STK38: variants seen among roughly 807,000 people sequenced by gnomAD.
STK38 encodes serine/threonine-protein kinase 38.
STK38 carries 26 observed loss-of-function variants against 59.0 expected under a neutral mutation model. The ratio of observed to expected loss-of-function variants is 0.44; its 90% CI spans 0.32 to 0.61. STK38 has a LOEUF of 0.61. STK38 is among the 20% of genes least tolerant of loss of function. STK38 has a pLI of 0.04. For missense variants in STK38, 433 were observed against 566.0 expected (o/e 0.76, Z 2.38); for synonymous variants, 175 against 176.6 (o/e 0.99, Z 0.07).
Position 36,497,854 on chromosome 6 carries a change from A to C in STK38, c.1098T>G (p.His366Gln). 1 of 1,613,072 alleles carries C rather than the reference A, an allele frequency of 6.2e-7. No individual in the cohort carries two copies. Among genetic ancestry groups the C allele is most frequent in the Non-Finnish European group, 8.5e-7 (1 of 1,179,692 alleles). ...CCTCAACTCCAGGAGCTCCAATTCT[A>C]TGTTCCCATTCACAGCAGAACCTGG... Reference protein sequence around the residue: ...LILRFCCEWEHRIGAPGVEEI... With the variant: ...LILRFCCEWEQRIGAPGVEEI... The change falls in exon 12 of 14, where the codon CAT becomes CAG. Residue 366 changes from histidine to glutamine, a missense_variant. Around this residue, in one of 3 missense-constraint regions of STK38, gnomAD observed 136 missense variants for 156.7 expected, o/e 0.87. Coordinates refer to ENST00000229812, the MANE Select transcript of STK38 (RefSeq NM_007271.4).
At position 36,531,005 on chromosome 6, in the gene STK38, T is replaced by C. The variant is rs563309637; in HGVS notation, c.132-5363A>G. Reference sequence around the variant, plus strand: ...GTACCCAGCCAGAAATACCCTAAAATTAACACTACACAGATTCTTTAAAAT... The same window carrying C: ...GTACCCAGCCAGAAATACCCTAAAACTAACACTACACAGATTCTTTAAAAT... On this transcript the variant is annotated intron_variant, in intron 2 of 13. Coordinates refer to ENST00000229812, the MANE Select transcript of STK38 (RefSeq NM_007271.4). 1.5e-3 allele frequency among the ~76,000 whole-genome samples: 235 copies of C among 152,240 alleles called. 2 individuals are homozygous for C. Among genetic ancestry groups the C allele is most frequent in the Middle Eastern group, 0.014 (4 of 294 alleles).
intron 7 of STK38, among the ~76,000 whole-genome samples, chr6:36,514,998 A>C (rs1237824810): frequency 6.6e-6 from 1 of 152,148 alleles, no homozygotes; most frequent in East Asian, 1.9e-4. Context: ...GTTGCCCAAC[A>C]GAAGGGCTCT....
At chr6:36,510,953 A>T (rs1295404731) in intron 7 of STK38, among the ~76,000 whole-genome samples, 1 of 152,250 alleles carries the variant, frequency 6.6e-6, no homozygotes, top group South Asian at 2.1e-4. Context: ...AGTATCTGGC[A>T]TATAACTAGC....
chr6:36,506,538 T>G (rs1228667442), intron 9 of STK38, 45 bp downstream of exon 9: 37 of 1,577,154 alleles, frequency 2.3e-5, no homozygotes, highest in Non-Finnish European at 3.0e-5. Flanking sequence ...TTGAACTTAT[T>G]CATACTTGGT....
chr6:36,506,762 C>T (rs1776972536), intron 8 of STK38, 118 bp from the exon 9 acceptor site: 2 of 815,628 alleles, frequency 2.5e-6, no homozygotes, highest in Admixed American at 2.8e-5. Context: ...TCTACTCATA[C>T]ATCAAAAGCT....
intron 2 of STK38, among the ~76,000 whole-genome samples, chr6:36,526,005 C>T (rs1777501678): frequency 6.6e-6 from 1 of 152,098 alleles, no homozygotes; most frequent in African/African-American, 2.4e-5. Flanking sequence ...CGCGTGCCAC[C>T]ATACCTGGCT....
intron 7 of STK38, among the ~76,000 whole-genome samples, chr6:36,509,686 A>C (rs1219613442): frequency 6.6e-6 from 1 of 152,024 alleles, no homozygotes; most frequent in African/African-American, 2.4e-5. Flanking sequence ...TCTGTACTAA[A>C]TAGTTGCCCG....
chr6:36,507,107 G>A (rs987130335), intron 8 of STK38, among the ~76,000 whole-genome samples: 8 of 152,126 alleles, frequency 5.3e-5, no homozygotes, highest in Admixed American at 5.2e-4. Context: ...AGTTGTCAAC[G>A]ATTTCATAGT....
intron 9 of STK38, among the ~76,000 whole-genome samples, chr6:36,502,782 C>T (rs1266031226): frequency 6.6e-6 from 1 of 152,126 alleles, no homozygotes; most frequent in Non-Finnish European, 1.5e-5. Context: ...TTTGTCACTC[C>T]TCTGCTTTTA....
chr6:36,540,014 C>T, intron 2 of STK38, 58 bp downstream of exon 2: 1 of 1,602,000 alleles, frequency 6.2e-7, no homozygotes, highest in Admixed American at 1.7e-5. Flanking sequence ...AAGTGTTTTA[C>T]AATACGAGAA....
At chr6:36,497,067 T>A (rs1378252145) in intron 12 of STK38, among the ~76,000 whole-genome samples, 1 of 152,190 alleles carries the variant, frequency 6.6e-6, no homozygotes, top group Admixed American at 6.5e-5. Flanking sequence ...GTGAAGTTAG[T>A]GCAACTCCCC....
At chr6:36,536,161 A>G (rs1304901267) in intron 2 of STK38, among the ~76,000 whole-genome samples, 1 of 152,214 alleles carries the variant, frequency 6.6e-6, no homozygotes, top group Non-Finnish European at 1.5e-5. Context: ...CTTGATTTTC[A>G]AGAAAAGTGC....
chr6:36,537,184 G>C (rs1777813640), intron 2 of STK38, among the ~76,000 whole-genome samples: 1 of 152,124 alleles, frequency 6.6e-6, no homozygotes, highest in Non-Finnish European at 1.5e-5. Context: ...AACATCATTA[G>C]TCATCAGGGA....
chr6:36,508,769 AGCCACTGCACACAGCCAGGCACACCGGTG>A (rs1286236122), intron 7 of STK38, among the ~76,000 whole-genome samples: 21 of 152,348 alleles, frequency 1.4e-4, no homozygotes, highest in Non-Finnish European at 2.6e-4. Context: ...TGCGGGGTCC[AGCCACTGCACACAGCCAGGCACACCGGTG>A]GCCACTGCAC....
chr6:36,531,969 C>T (rs575670721), intron 2 of STK38, among the ~76,000 whole-genome samples: 1 of 151,994 alleles, frequency 6.6e-6, no homozygotes, highest in Non-Finnish European at 1.5e-5. Context: ...GGTACCTAGA[C>T]AAGACACAAA....
At chr6:36,502,919 T>C (rs1269124312) in intron 9 of STK38, among the ~76,000 whole-genome samples, 1 of 152,254 alleles carries the variant, frequency 6.6e-6, no homozygotes, top group Non-Finnish European at 1.5e-5. Flanking sequence ...GTTTCTAAAA[T>C]TGATTCACAC....
At chr6:36,506,494 A>G in intron 9 of STK38, 89 bp downstream of exon 9, 6 of 1,391,112 alleles carry the variant, frequency 4.3e-6, no homozygotes, top group African/African-American at 1.4e-5. Context: ...TATGTTGCAA[A>G]TATTTGTCAA....
intron 7 of STK38, 52 bp downstream of exon 7, chr6:36,515,286 G>A (rs557914314): frequency 1.4e-4 from 225 of 1,590,964 alleles, no homozygotes; most frequent in Non-Finnish European, 1.6e-4. Context: ...TTAAAGCAGA[G>A]GCTGCTCAGA....
chr6:36,524,447 G>T lies in STK38; in HGVS notation c.200C>A (p.Ser67Ter), dbSNP rs1777461510. The change falls in exon 4 of 14, where the codon TCA becomes TAA. Residue 67 changes from serine to a stop codon, truncating the protein, a stop_gained. Transcript: ENST00000229812. LOFTEE classifies it high-confidence loss of function. The part of the protein sequence containing the change: ...LKDEEKRLRR[S>*]AHARKETEFL... ...CTCTGTTTCCTTCCGAGCATGTGCT[G>T]ATCTCCGGAGTCGTTTCTAATATTT... The T allele has an allele frequency of 6.2e-7, 1 of 1,601,352 alleles. No individual in the cohort carries two copies. Among genetic ancestry groups the T allele is most frequent in the Non-Finnish European group, 8.5e-7 (1 of 1,176,586 alleles).
Sources: gnomAD v4.1 joint callset for allele counts (sites outside exome capture counted in the v4.1 genomes callset) on GRCh38, gnomAD v4.1.1 for gene constraint, gnomAD v4.1.1 regional missense constraint, MANE v1.5 for transcripts, NCBI Gene and HGNC (gene_info 2026-07-23, HGNC 2026-07-21) for gene names.